Variants in CABIN1 observed in about 807,000 individuals in gnomAD.
CABIN1 encodes the protein calcineurin-binding protein cabin-1.
In CABIN1, 133 loss-of-function variants were observed where a neutral mutation model predicts 227.7. That is an observed-to-expected ratio of 0.58 (90% CI 0.51 to 0.67). CABIN1 has a LOEUF of 0.67. Ranked by LOEUF, CABIN1 falls within the 30% of genes least tolerant of loss-of-function variation. The pLI, the probability that CABIN1 is intolerant of heterozygous loss-of-function variation, is 0.00. For missense variants in CABIN1, 2,408 were observed against 2,852.5 expected (o/e 0.84, Z 3.55); for synonymous variants, 1,086 against 1,155.1 (o/e 0.94, Z 1.21).
intron 29 of CABIN1, among the ~76,000 whole-genome samples, chr22:24,141,305 G>T (rs777276280): frequency 1.6e-4 from 25 of 152,238 alleles, no homozygotes; most frequent in Non-Finnish European, 2.4e-4. Context: ...TGGTGCCTGT[G>T]GATGGTGGTC....
chr22:24,176,971 C>T (rs2047151516), intron 35 of CABIN1, among the ~76,000 whole-genome samples: 1 of 152,216 alleles, frequency 6.6e-6, no homozygotes, highest in East Asian at 1.9e-4. Flanking sequence ...CCAGCTCGTG[C>T]AGCTCCCTAG....
chr22:24,050,331 G>A (rs1025017878), intron 7 of CABIN1, among the ~76,000 whole-genome samples: 1 of 152,178 alleles, frequency 6.6e-6, no homozygotes, highest in Non-Finnish European at 1.5e-5. Context: ...TGGGCAGGAG[G>A]GCAGGTGAGG....
chr22:24,166,602 C>T, intron 31 of CABIN1, 37 bp from the exon 32 acceptor site: 1 of 1,612,424 alleles, frequency 6.2e-7, no homozygotes, highest in Non-Finnish European at 8.5e-7. Flanking sequence ...AGTGGAGACA[C>T]CAGCGACACA....
intron 22 of CABIN1, among the ~76,000 whole-genome samples, chr22:24,085,601 T>A (rs1243292403): frequency 6.6e-6 from 1 of 152,162 alleles, no homozygotes; most frequent in Non-Finnish European, 1.5e-5. Context: ...TCTTTTTTGC[T>A]CTGATGCAGT....
intron 7 of CABIN1, 138 bp downstream of exon 7, chr22:24,049,358 C>T (rs2038147080): frequency 9.3e-7 from 1 of 1,070,614 alleles, no homozygotes; most frequent in Non-Finnish European, 1.4e-6. Context: ...GCCGCAGCCC[C>T]TGATCTAGTG....
chr22:24,150,429 TG>T (rs2045412543), intron 29 of CABIN1, among the ~76,000 whole-genome samples: 1 of 152,094 alleles, frequency 6.6e-6, no homozygotes. Context: ...GGGTCCCTCA[TG>T]GGGTGGAGGG....
At position 24,177,537 on chromosome 22, in the gene CABIN1, G is replaced by C. The variant is rs2047184553; in HGVS notation, c.6239G>C (p.Gly2080Ala). 1 of 1,557,620 alleles carries C rather than the reference G, an allele frequency of 6.4e-7. No homozygotes were observed. Among genetic ancestry groups the C allele is most frequent in the Non-Finnish European group, 8.7e-7 (1 of 1,148,526 alleles). The change falls in exon 36 of 37, where the codon GGG (glycine) becomes GCG (alanine). Residue 2080 changes from glycine (G) to alanine (A), a missense_variant. By Grantham distance (60) the Gly-to-Ala change is moderately conservative. This residue lies in a region of CABIN1 where 714 missense variants were observed against 773.8 expected (regional missense o/e 0.92). Coordinates refer to ENST00000263119, the MANE Select transcript of CABIN1 (RefSeq NM_012295.4). This position sits in a 1 kb window ranked among gnomAD's most constrained non-coding sequence, Gnocchi z 4.4. The part of the protein sequence containing the change: ...GKLRPEPRRD[G>A]EAQEAASETQ... ...CTGAGGCCTGAGCCGAGAAGGGATG[G>C]GGAGGCTCAGGAGGCTGCGAGTGAG... is the stretch of plus-strand genomic sequence containing the variant.
chr22:24,063,117 T>G lies in CABIN1; in HGVS notation c.1855T>G (p.Trp619Gly). ...GCTGGAGTTTGTGGTCCGTGTTTAC[T>G]GGCTGAAGGCTCGCTTCCTGGCGCT... The part of the protein sequence containing the change: ...GWLEFVVRVY[W>G]LKARFLALQG... The change falls in exon 14 of 37, where the codon TGG (tryptophan) becomes GGG (glycine). Residue 619 changes from tryptophan to glycine, a missense_variant. Trp to Gly is a radical substitution (Grantham distance 184). This residue lies in a region of CABIN1 where 1,045 missense variants were observed against 1,168.4 expected (regional missense o/e 0.89). Transcript: ENST00000263119. 1 of 1,614,192 alleles carries G rather than the reference T, an allele frequency of 6.2e-7. No individual in the cohort carries two copies. Among genetic ancestry groups the G allele is most frequent in the African/African-American group, 1.3e-5 (1 of 75,056 alleles).
At chr22:24,045,167 G>C (rs1265714968) in intron 6 of CABIN1, among the ~76,000 whole-genome samples, 1 of 152,138 alleles carries the variant, frequency 6.6e-6, no homozygotes, top group Non-Finnish European at 1.5e-5. Flanking sequence ...CTCGTGATCC[G>C]CCCGCCTTGG....
chr22:24,172,558 G>C (rs149566871), intron 34 of CABIN1, among the ~76,000 whole-genome samples: 1 of 152,200 alleles, frequency 6.6e-6, no homozygotes, highest in Non-Finnish European at 1.5e-5. Context: ...GCAGGGGCAG[G>C]TCAGGGGGCT....
chr22:24,052,645 G>A (rs2038430047), intron 8 of CABIN1, among the ~76,000 whole-genome samples: 1 of 151,752 alleles, frequency 6.6e-6, no homozygotes, highest in Non-Finnish European at 1.5e-5. Flanking sequence ...AACAAAATTA[G>A]CCAGATATGG....
At chr22:24,080,463 C>T (rs1313581869) in intron 19 of CABIN1, among the ~76,000 whole-genome samples, 1 of 152,176 alleles carries the variant, frequency 6.6e-6, no homozygotes, top group Admixed American at 6.5e-5. Context: ...TAACATTGAC[C>T]TCACAGATTA....
chr22:24,067,258 T>A, intron 16 of CABIN1, 77 bp downstream of exon 16: 1 of 1,453,004 alleles, frequency 6.9e-7, no homozygotes, highest in East Asian at 2.3e-5. Context: ...CTGGAGGTTC[T>A]GCGGTAGTTC....
chr22:24,113,431 A>C, intron 26 of CABIN1, 135 bp from the exon 27 acceptor site: 1 of 842,282 alleles, frequency 1.2e-6, no homozygotes, highest in South Asian at 1.3e-5. Flanking sequence ...AGCAGTGTCG[A>C]ATGGCTGTGT....
chr22:24,011,476 A>T (rs1342839468), intron 1 of CABIN1, 109 bp downstream of exon 1: 1 of 152,336 alleles, frequency 6.6e-6, no homozygotes, highest in Admixed American at 6.5e-5. Context: ...GGGTTACGTG[A>T]GGAAGCTGGG....
At chr22:24,065,148 A>ACC (rs1236946322) in intron 15 of CABIN1, among the ~76,000 whole-genome samples, 1 of 126,094 alleles carries the variant, frequency 7.9e-6, no homozygotes, top group Non-Finnish European at 1.7e-5. Context: ...GCGGGGGCTG[A>ACC]CCCCCCACCT....
chr22:24,163,204 A>G (rs886263725), intron 29 of CABIN1, among the ~76,000 whole-genome samples: 1 of 152,164 alleles, frequency 6.6e-6, no homozygotes, highest in Non-Finnish European at 1.5e-5. Flanking sequence ...TGGACCCTCC[A>G]TGTCACAACA....
intron 25 of CABIN1, among the ~76,000 whole-genome samples, chr22:24,097,669 T>A (rs895847806): frequency 6.6e-6 from 1 of 152,264 alleles, no homozygotes; most frequent in African/African-American, 2.4e-5. Flanking sequence ...GTCTTAAGTT[T>A]GTCAGGCTGT....
intron 1 of CABIN1, among the ~76,000 whole-genome samples, chr22:24,026,107 G>C (rs1186803451): frequency 6.6e-6 from 1 of 152,078 alleles, no homozygotes; most frequent in Non-Finnish European, 1.5e-5. Context: ...AAAGTGCTAG[G>C]ATTATAGACT....
Sources: gnomAD v4.1 joint callset for allele counts (sites outside exome capture counted in the v4.1 genomes callset) on GRCh38, gnomAD v4.1.1 for gene constraint, gnomAD v4.1.1 regional missense constraint, Gnocchi (gnomAD v3.1) non-coding constraint, MANE v1.5 for transcripts, NCBI Gene and HGNC (gene_info 2026-07-23, HGNC 2026-07-21) for gene names.